BBS12: variants seen among roughly 807,000 people sequenced by gnomAD.
The protein encoded by BBS12 is Bardet-Biedl syndrome 12.
BBS12 carries 5 observed loss-of-function variants against 5.6 expected under a neutral mutation model. The observed-to-expected ratio is 0.89, with a 90% CI of 0.46 to 1.86. The LOEUF is 1.86. Among genes scored for constraint, BBS12 ranks in the 40% most tolerant of loss-of-function variants. The pLI, the probability that BBS12 is intolerant of heterozygous loss-of-function variation, is 0.01. For synonymous variants in BBS12, 308 were observed against 306.8 expected (o/e 1.00, Z -0.04); for missense variants, 748 against 830.4 (o/e 0.90, Z 1.22).
At chr4:122,733,982 C>T (rs981205383) in intron 1 of BBS12, 1 of 143,546 alleles carries the variant, frequency 7.0e-6, no homozygotes, top group African/African-American at 2.6e-5. Context: ...TGAGTAGAAA[C>T]ATGGCACATT....
upstream of BBS12, chr4:122,729,986 A>G (rs932831842): frequency 7.2e-5 from 11 of 152,162 alleles, no homozygotes; most frequent in Non-Finnish European, 1.5e-4. Flanking sequence ...ATAAAACTCT[A>G]CACCACCTGT....
chr4:122,713,453 G>A, the BBS12 span, among the ~76,000 whole-genome samples: 13,594 of 152,108 alleles, frequency 0.089, 1,628 homozygotes, highest in African/African-American at 0.27. Flanking sequence ...GATTGTGCCT[G>A]TGAAGAGCCA....
Position 122,743,663 on chromosome 4 carries a change from C to T in BBS12, c.1771C>T (p.Leu591=), listed in dbSNP as rs753161554. 1.9e-6 allele frequency: 3 copies of T among 1,614,034 alleles called. No homozygotes were observed. The highest frequency in any genetic ancestry group is 4.5e-5 in the East Asian group (2 of 44,898). Residue 591 remains leucine (L), a synonymous_variant, in exon 2 of 2, where the codon CTG becomes TTG. Transcript: ENST00000314218. ...AIYRPTVLKF[L]ANGWQKYLST... ...ATACAGACCAACTGTGCTTAAATTC[C>T]TGGCAAATGGATGGCAGAAATACCT... is the stretch of plus-strand genomic sequence containing the variant.
At chr4:122,712,123 C>T in the BBS12 span, among the ~76,000 whole-genome samples, 1 of 152,228 alleles carries the variant, frequency 6.6e-6, no homozygotes, top group Non-Finnish European at 1.5e-5. Flanking sequence ...ACAACCTCAG[C>T]TTTCCTGGTT....
chr4:122,726,170 A>G, the BBS12 span, among the ~76,000 whole-genome samples: 1 of 152,196 alleles, frequency 6.6e-6, no homozygotes, highest in East Asian at 1.9e-4. Context: ...TTCACAATCT[A>G]CGCATCCAAC....
chr4:122,737,882 T>C (rs1250413418), intron 1 of BBS12, among the ~76,000 whole-genome samples: 3 of 152,226 alleles, frequency 2.0e-5, no homozygotes, highest in Admixed American at 1.3e-4. Context: ...CTATGGCTAA[T>C]TGATTTTTGA....
At chr4:122,737,199 C>T (rs1009834755) in intron 1 of BBS12, among the ~76,000 whole-genome samples, 1 of 151,994 alleles carries the variant, frequency 6.6e-6, no homozygotes, top group Non-Finnish European at 1.5e-5. Flanking sequence ...GACCCTGATA[C>T]ATGTACAAGT....
chr4:122,738,165 A>C (rs566311180), intron 1 of BBS12, among the ~76,000 whole-genome samples: 4 of 152,328 alleles, frequency 2.6e-5, no homozygotes, highest in African/African-American at 7.2e-5. Flanking sequence ...AAAATAGGTA[A>C]ATTAGATTTC....
At chr4:122,708,825 TTAA>T in the BBS12 span, among the ~76,000 whole-genome samples, 15 of 152,048 alleles carry the variant, frequency 9.9e-5, no homozygotes, top group South Asian at 1.7e-3. Flanking sequence ...AAAAATGATA[TTAA>T]TAATAATTTT....
chr4:122,705,978 T>C, the BBS12 span, among the ~76,000 whole-genome samples: 7 of 152,192 alleles, frequency 4.6e-5, no homozygotes, highest in African/African-American at 1.7e-4. Context: ...TGGATTTCCT[T>C]CTCCCTTTAT....
chr4:122,741,954 C>T lies in BBS12; in HGVS notation c.62C>T (p.Ser21Leu). 3.7e-6 allele frequency: 6 copies of T among 1,613,808 alleles called. No homozygotes were observed. The highest frequency in any genetic ancestry group is 5.1e-6 in the Non-Finnish European group (6 of 1,179,880). ...RRHMGLQQLS[S>L]FAETGRTFLG... ...CACATGGGACTTCAACAACTTTCATCATTCGCGGAAACAGGAAGAACTTTC... is the reference window on the plus strand; with the variant it reads ...CACATGGGACTTCAACAACTTTCATTATTCGCGGAAACAGGAAGAACTTTC... Residue 21 changes from serine (S) to leucine (L), a missense_variant, in exon 2 of 2, where the codon TCA becomes TTA. Ser to Leu is a moderately radical substitution (Grantham distance 145). Coordinates refer to ENST00000314218, the MANE Select transcript of BBS12 (RefSeq NM_152618.3).
chr4:122,716,658 C>T, the BBS12 span, among the ~76,000 whole-genome samples: 2 of 61,078 alleles, frequency 3.3e-5, no homozygotes, highest in African/African-American at 8.6e-5. Flanking sequence ...TGTGTATATG[C>T]ACATACACAT....
chr4:122,707,462 A>G, the BBS12 span, among the ~76,000 whole-genome samples: 1 of 152,302 alleles, frequency 6.6e-6, no homozygotes, highest in Admixed American at 6.5e-5. Context: ...CACATCTTAC[A>G]TATAGTTCAA....
At chr4:122,720,790 T>A in the BBS12 span, among the ~76,000 whole-genome samples, 2 of 151,692 alleles carry the variant, frequency 1.3e-5, no homozygotes, top group Non-Finnish European at 2.9e-5. Flanking sequence ...ACTCTATGAA[T>A]CTCATGTAAA....
At chr4:122,722,856 T>C in the BBS12 span, among the ~76,000 whole-genome samples, 1 of 152,208 alleles carries the variant, frequency 6.6e-6, no homozygotes, top group South Asian at 2.1e-4. Flanking sequence ...TCTTACTTTA[T>C]TGTACTGGCT....
Position 122,744,018 on chromosome 4 carries a change from T to G in BBS12, c.2126T>G (p.Phe709Cys), listed in dbSNP as rs1800946249. 1 of 1,612,750 alleles carries G rather than the reference T, an allele frequency of 6.2e-7. No homozygotes were observed. The highest frequency in any genetic ancestry group is 8.5e-7 in the Non-Finnish European group (1 of 1,178,736). Residue 709 changes from phenylalanine to cysteine, a missense_variant, in exon 2 of 2, where the codon TTT (phenylalanine) becomes TGT (cysteine). Physicochemically the swap from Phe to Cys is radical, Grantham distance 205 (BLOSUM62 -2). Coordinates refer to ENST00000314218, the MANE Select transcript of BBS12 (RefSeq NM_152618.3). Reference protein sequence around the residue: ...INSQELTGFLFL With the variant: ...INSQELTGFLCL ...TCACAGGAATTAACGGGCTTTCTAT[T>G]TTTGTAGTGTTACTGGCTAAGTCTT... is the stretch of plus-strand genomic sequence containing the variant.
upstream of BBS12, chr4:122,729,052 A>C (rs906834841): frequency 6.6e-6 from 1 of 152,270 alleles, no homozygotes; most frequent in Non-Finnish European, 1.5e-5. Flanking sequence ...TCCCTAGTGG[A>C]CTTCAGTCTC....
chr4:122,742,165 T>C lies in BBS12; in HGVS notation c.273T>C (p.Leu91=). The change falls in exon 2 of 2, where the codon CTT becomes CTC. Residue 91 remains leucine, a synonymous_variant. Coordinates refer to ENST00000314218, the MANE Select transcript of BBS12 (RefSeq NM_152618.3). ...CTGGAATCAGTACTCTTTTGTTTCT[T>C]GTTGGTGCTTGGAGCAGTGCAGTTG... ...YRTGISTLLF[L]VGAWSSAVEE... 6.2e-7 allele frequency: 1 copy of C among 1,614,028 alleles called. No individual in the cohort carries two copies. The highest frequency in any genetic ancestry group is 8.5e-7 in the Non-Finnish European group (1 of 1,180,044).
the BBS12 span, among the ~76,000 whole-genome samples, chr4:122,714,275 C>T: frequency 1.3e-5 from 2 of 152,168 alleles, no homozygotes; most frequent in African/African-American, 4.8e-5. Context: ...ATCCTTGGTA[C>T]CTTGATCTCA....
Sources: allele counts gnomAD v4.1 joint callset (sites outside exome capture counted in the v4.1 genomes callset), GRCh38; gene constraint gnomAD v4.1.1; transcripts MANE v1.5; gene names NCBI Gene and HGNC (gene_info 2026-07-23, HGNC 2026-07-21).